KATNIP: variants seen among roughly 807,000 people sequenced by gnomAD.
KATNIP encodes katanin-interacting protein.
In KATNIP, 126 loss-of-function variants were observed where a neutral mutation model predicts 174.0. The ratio of observed to expected loss-of-function variants is 0.72; its 90% CI spans 0.63 to 0.84. KATNIP has a LOEUF of 0.84. KATNIP is among the 40% of genes least tolerant of loss of function. The pLI is 0.00. For synonymous variants in KATNIP, 810 were observed against 835.7 expected, an observed-to-expected ratio of 0.97 and a Z score of 0.53; for missense variants, 1,958 against 2,109.7, an observed-to-expected ratio of 0.93 and a Z score of 1.41.
chr16:27,680,632 C>T (rs1241304679), intron 7 of KATNIP, among the ~76,000 whole-genome samples: 2 of 152,172 alleles, frequency 1.3e-5, no homozygotes, highest in South Asian at 2.1e-4. Context: ...GAGGGATCCT[C>T]CTGCCACAGC....
At chr16:27,733,820 C>T (rs74820883) in intron 14 of KATNIP, among the ~76,000 whole-genome samples, 3,979 of 152,256 alleles carry the variant, frequency 0.026, 85 homozygotes, top group Admixed American at 0.043. Flanking sequence ...TACAGAGCTG[C>T]ACTGAGGGGG....
intron 19 of KATNIP, among the ~76,000 whole-genome samples, chr16:27,762,220 G>C (rs958504519): frequency 2.0e-4 from 30 of 152,204 alleles, no homozygotes; most frequent in African/African-American, 6.8e-4. Context: ...AACTAGGGGA[G>C]TCAGAGGGAT....
intron 2 of KATNIP, among the ~76,000 whole-genome samples, chr16:27,580,304 G>C (rs867102005): frequency 4.5e-4 from 68 of 152,218 alleles, no homozygotes; most frequent in Middle Eastern, 3.4e-3. Context: ...GTAGAAACAG[G>C]GTTTTGCCGT....
chr16:27,623,886 G>A (rs1183663876), intron 3 of KATNIP, among the ~76,000 whole-genome samples: 1 of 152,028 alleles, frequency 6.6e-6, no homozygotes, highest in Non-Finnish European at 1.5e-5. Flanking sequence ...GTGTTCAAAG[G>A]GCCCTTGTGT....
chr16:27,740,402 C>A lies in KATNIP; in HGVS notation c.2105C>A (p.Ser702Ter). Residue 702 changes from serine to a stop codon, truncating the protein, a stop_gained, in exon 15 of 28, where the codon TCG (serine) becomes TAG (stop). Transcript: ENST00000261588. LOFTEE classifies it high-confidence loss of function. ...LSQLEEYLRL[S>*]AVPTSMGDMP... ...CAGTTAGAGGAATATTTGAGACTGT[C>A]GGCAGTCCCCACTTCGATGGGTGAC... The A allele has an allele frequency of 6.2e-7, 1 of 1,614,088 alleles. No homozygotes were observed. Among genetic ancestry groups the A allele is most frequent in the South Asian group, 1.1e-5 (1 of 91,082 alleles).
At chr16:27,588,387 G>A (rs1222441897) in intron 2 of KATNIP, among the ~76,000 whole-genome samples, 5 of 152,172 alleles carry the variant, frequency 3.3e-5, no homozygotes, top group East Asian at 3.9e-4. Flanking sequence ...CACATCAAAT[G>A]TAGAATAATC....
intron 14 of KATNIP, among the ~76,000 whole-genome samples, chr16:27,737,891 G>A (rs1447375807): frequency 6.6e-6 from 1 of 152,220 alleles, no homozygotes; most frequent in East Asian, 1.9e-4. Context: ...AATTGTCCCA[G>A]ACAAACTAGG....
rs1419802675 is a variant in KATNIP at position 27,740,738 on chromosome 16, G to A, written c.2441G>A (p.Trp814Ter). The change falls in exon 15 of 28, where the codon TGG becomes TAG. Residue 814 changes from tryptophan (W) to a stop codon, truncating the protein, a stop_gained. Coordinates refer to ENST00000261588, the MANE Select transcript of KATNIP (RefSeq NM_015202.5). LOFTEE classifies it high-confidence loss of function. The stretch of plus-strand genomic sequence containing the variant: ...AAAGGCCTACGGCATGAGCCAGGGT[G>A]GGGGACCAGCCGGAGTGTCAACACC... ...RDKGLRHEPG[W>*]GTSRSVNTKE... is the part of the protein sequence containing the mutation. The A allele has an allele frequency of 1.2e-6, 2 of 1,614,170 alleles. No individual in the cohort carries two copies. Among genetic ancestry groups the A allele is most frequent in the Non-Finnish European group, 1.7e-6 (2 of 1,180,028 alleles).
chr16:27,754,341 G>A, intron 18 of KATNIP, 90 bp downstream of exon 18: 2 of 1,107,364 alleles, frequency 1.8e-6, no homozygotes, highest in South Asian at 1.3e-5. Flanking sequence ...GGTTTCGCTG[G>A]ACAATCGGGT....
chr16:27,647,493 C>A (rs778477498), intron 5 of KATNIP, among the ~76,000 whole-genome samples: 1 of 146,186 alleles, frequency 6.8e-6, no homozygotes, highest in African/African-American at 2.6e-5. Context: ...AGGCACACAC[C>A]ACCACACCTG....
At chr16:27,750,456 G>C (rs2081466132) in intron 16 of KATNIP, 150 bp downstream of exon 16, 1 of 845,012 alleles carries the variant, frequency 1.2e-6, no homozygotes, top group Non-Finnish European at 1.7e-6. Flanking sequence ...GTCTTGCTCT[G>C]TCCCCCAGGC....
rs758627923 is a variant in KATNIP, at chr16:27,654,776, G to C, written c.540+6041G>C. On this transcript the variant is annotated intron_variant, in intron 6 of 27. Transcript: ENST00000261588. ...CAGCATCCTAACCCCTAAGGGCTGGGGATCTTTTCCGTAGCCAAGCAGCTG... is the reference window on the plus strand; with the variant it reads ...CAGCATCCTAACCCCTAAGGGCTGGCGATCTTTTCCGTAGCCAAGCAGCTG... 3 of 1,350,334 alleles carry C rather than the reference G, an allele frequency of 2.2e-6. No homozygotes were observed. The South Asian group carries it at 3.4e-5, about 15-fold the overall frequency. 83.6% of individuals were successfully genotyped at this position (1,350,334 alleles called of 1,614,324 possible).
At chr16:27,632,714 A>G in intron 5 of KATNIP, 1 of 430,938 alleles carries the variant, frequency 2.3e-6, no homozygotes, top group Non-Finnish European at 4.7e-6. Context: ...GGTTGATACC[A>G]GTGGTGGAGT....
chr16:27,681,285 G>T lies in KATNIP; in HGVS notation c.809-114G>T, dbSNP rs1939343808. 2.9e-6 allele frequency: 4 copies of T among 1,366,386 alleles called. No homozygotes were observed. In the Admixed American group the frequency reaches 5.2e-5, roughly 18 times the overall value. 84.6% of individuals were successfully genotyped at this position (1,366,386 alleles called of 1,614,324 possible). A position where few individuals can be genotyped will look rare whatever the true frequency, so the allele number is the denominator to read the frequency against. On this transcript the variant is annotated intron_variant, in intron 7 of 27. Transcript: ENST00000261588. ...CTCTAATCCCAAACTGCACAAAGTA[G>T]TTCCGTAGACATTTGTTGAATGAGT...
At chr16:27,742,846 T>TCTTTC (rs1383560138) in intron 15 of KATNIP, among the ~76,000 whole-genome samples, 1 of 136,928 alleles carries the variant, frequency 7.3e-6, no homozygotes, top group African/African-American at 3.1e-5. Context: ...TTCTTTTCTT[T>TCTTTC]TTTTCTTTAA....
At chr16:27,661,400 T>TC (rs1190709242) in intron 6 of KATNIP, among the ~76,000 whole-genome samples, 1 of 152,024 alleles carries the variant, frequency 6.6e-6, no homozygotes, top group Non-Finnish European at 1.5e-5. Flanking sequence ...TTCTTTCTTT[T>TC]CTTTTTTTTG....
At chr16:27,689,192 G>A (rs2078628598) in intron 8 of KATNIP, among the ~76,000 whole-genome samples, 1 of 152,198 alleles carries the variant, frequency 6.6e-6, no homozygotes. Flanking sequence ...AAGGCAGGTG[G>A]ATCACTTGAG....
intron 2 of KATNIP, among the ~76,000 whole-genome samples, chr16:27,617,411 C>T (rs936929684): frequency 2.6e-5 from 4 of 152,278 alleles, no homozygotes; most frequent in South Asian, 2.1e-4. Context: ...AGCAAAGTCC[C>T]GGGGCTGACT....
chr16:27,747,337 G>A (rs1003014692), intron 15 of KATNIP, among the ~76,000 whole-genome samples: 9 of 152,322 alleles, frequency 5.9e-5, no homozygotes, highest in Non-Finnish European at 7.4e-5. Flanking sequence ...TTTCAGTGGC[G>A]GGTTAGGGAA....
Sources: gnomAD v4.1 joint callset for allele counts (sites outside exome capture counted in the v4.1 genomes callset) on GRCh38, gnomAD v4.1.1 for gene constraint, MANE v1.5 for transcripts, NCBI Gene and HGNC (gene_info 2026-07-23, HGNC 2026-07-21) for gene names.